EXOC6B: variants seen among roughly 807,000 people sequenced by gnomAD.
EXOC6B encodes SEC15 homolog B.
EXOC6B carries 54 observed loss-of-function variants against 113.5 expected under a neutral mutation model. That is an observed-to-expected ratio of 0.48 (90% CI 0.38 to 0.60). The LOEUF (loss-of-function observed/expected upper bound fraction) is 0.60, where lower values mean the gene tolerates loss of function less well. EXOC6B is among the 20% of genes least tolerant of loss of function. The probability of loss-of-function intolerance (pLI) is 0.00; values close to 1 mark genes in which losing one functional copy is unlikely to be tolerated. For missense variants in EXOC6B, 797 were observed against 977.5 expected (o/e 0.82, Z 2.46); for synonymous variants, 357 against 339.0 (o/e 1.05, Z -0.58).
At chr2:72,396,660 A>G (rs1377237186) in intron 18 of EXOC6B, among the ~76,000 whole-genome samples, 1 of 152,170 alleles carries the variant, frequency 6.6e-6, no homozygotes, top group East Asian at 1.9e-4. Flanking sequence ...ACAGAGAACC[A>G]GGATCTATAG....
chr2:72,338,326 A>C (rs1688813384), intron 19 of EXOC6B, among the ~76,000 whole-genome samples: 1 of 152,148 alleles, frequency 6.6e-6, no homozygotes, highest in Non-Finnish European at 1.5e-5. Flanking sequence ...ATTTCTCTGC[A>C]CAGAAGGTTC....
chr2:72,669,374 G>A (rs1340111673), intron 6 of EXOC6B, among the ~76,000 whole-genome samples: 4 of 149,934 alleles, frequency 2.7e-5, no homozygotes, highest in African/African-American at 9.7e-5. Context: ...AGGGAAAAAC[G>A]AAGTCAAGAA....
chr2:72,661,938 C>T (rs953162329), intron 6 of EXOC6B, among the ~76,000 whole-genome samples: 1 of 149,434 alleles, frequency 6.7e-6, no homozygotes, highest in African/African-American at 2.5e-5. Flanking sequence ...TGATTTTTGA[C>T]AAAACTGAAA....
At chr2:72,795,250 T>A (rs1684879385) in intron 1 of EXOC6B, among the ~76,000 whole-genome samples, 1 of 152,164 alleles carries the variant, frequency 6.6e-6, no homozygotes, top group African/African-American at 2.4e-5. Flanking sequence ...TGAAAATTAG[T>A]TCTATATAAA....
chr2:72,740,275 C>T (rs1474599370), intron 2 of EXOC6B, among the ~76,000 whole-genome samples: 3 of 151,860 alleles, frequency 2.0e-5, no homozygotes, highest in African/African-American at 7.3e-5. Context: ...CCAGGAAAAT[C>T]CTTTTAGGAT....
At chr2:72,556,976 C>A (rs1210639010) in intron 8 of EXOC6B, among the ~76,000 whole-genome samples, 1 of 149,946 alleles carries the variant, frequency 6.7e-6, no homozygotes, top group African/African-American at 2.5e-5. Context: ...ACAAGAAACC[C>A]GATTAAAAAA....
intron 18 of EXOC6B, among the ~76,000 whole-genome samples, chr2:72,413,197 G>A (rs1694298445): frequency 6.6e-6 from 1 of 151,338 alleles, no homozygotes; most frequent in African/African-American, 2.4e-5. Context: ...TCCTGACCTC[G>A]TGATCCGCCC....
intron 6 of EXOC6B, among the ~76,000 whole-genome samples, chr2:72,643,254 C>A (rs1673406910): frequency 1.3e-5 from 2 of 151,406 alleles, no homozygotes; most frequent in Non-Finnish European, 1.5e-5. Context: ...CCAGCCATCC[C>A]ATTACTGGGT....
intron 6 of EXOC6B, among the ~76,000 whole-genome samples, chr2:72,635,448 T>G (rs1403972550): frequency 1.3e-5 from 2 of 152,046 alleles, no homozygotes; most frequent in Non-Finnish European, 1.5e-5. Context: ...ACATATAAAT[T>G]TGACAAAGTA....
chr2:72,758,167 A>AAAC (rs1491436623), intron 1 of EXOC6B, among the ~76,000 whole-genome samples: 16 of 9,116 alleles, frequency 1.8e-3, no homozygotes, highest in African/African-American at 8.6e-3. Flanking sequence ...ACTCTGTCTC[A>AAAC]AAAAAAAAAA....
Position 72,314,207 on chromosome 2 carries a change from T to C in EXOC6B, c.2196+20740A>G, listed in dbSNP as rs954299724. ...GCTATCACTTTGCCCTGTCTCTTCC[T>C]GGCATACTGACACTTATTATCCTGG... On this transcript the variant is annotated intron_variant, in intron 20 of 21. Coordinates refer to ENST00000272427, the MANE Select transcript of EXOC6B (RefSeq NM_015189.3). 2.0e-5 allele frequency among the ~76,000 whole-genome samples: 3 copies of C among 152,332 alleles called. No individual in the cohort carries two copies. The East Asian group carries it at 5.8e-4, about 29-fold the overall frequency.
At chr2:72,473,387 G>A (rs1446995916) in intron 17 of EXOC6B, among the ~76,000 whole-genome samples, 1 of 151,932 alleles carries the variant, frequency 6.6e-6, no homozygotes, top group African/African-American at 2.4e-5. Flanking sequence ...TGGATTTGGT[G>A]TTACATCCTC....
rs1704436546 is a variant in EXOC6B, at chr2:72,570,242, G to A, written c.846+5250C>T. 1.3e-5 allele frequency among the ~76,000 whole-genome samples: 2 copies of A among 152,184 alleles called. 1 individual carries two copies. Among genetic ancestry groups the A allele is most frequent in the South Asian group, 4.1e-4 (2 of 4,830 alleles). ...TAGAAGGCAACTATCTGCAAGCCAA[G>A]GAGAGAGGCCTTAGGAGAAACTAAC... On this transcript the variant is annotated intron_variant, in intron 7 of 21. Transcript: ENST00000272427.
intron 6 of EXOC6B, among the ~76,000 whole-genome samples, chr2:72,644,319 G>C (rs1028142481): frequency 2.6e-5 from 4 of 152,288 alleles, no homozygotes; most frequent in Non-Finnish European, 5.9e-5. Context: ...ATCCACGTTT[G>C]ATTGGTGTAC....
At chr2:72,664,988 A>G (rs1352013540) in intron 6 of EXOC6B, among the ~76,000 whole-genome samples, 4 of 152,196 alleles carry the variant, frequency 2.6e-5, no homozygotes, top group Admixed American at 2.0e-4. Flanking sequence ...TCTGTGGCCA[A>G]TCCTTGAGCA....
intron 20 of EXOC6B, among the ~76,000 whole-genome samples, chr2:72,252,978 T>A (rs915938907): frequency 6.6e-6 from 1 of 152,094 alleles, no homozygotes; most frequent in Admixed American, 6.5e-5. Context: ...TCAAAAAAAA[T>A]ATCCAATCTA....
intron 20 of EXOC6B, among the ~76,000 whole-genome samples, chr2:72,299,732 C>A (rs1686383553): frequency 6.6e-6 from 1 of 151,822 alleles, no homozygotes; most frequent in Admixed American, 6.6e-5. Flanking sequence ...GAGTGGATGT[C>A]CTTTTTGTTG....
chr2:72,388,449 A>G (rs370175048), intron 18 of EXOC6B, among the ~76,000 whole-genome samples: 8 of 152,086 alleles, frequency 5.3e-5, no homozygotes, highest in African/African-American at 1.9e-4. Flanking sequence ...TTACTGACGC[A>G]TGTTTTATAG....
chr2:72,433,259 T>C (rs1166022981), intron 18 of EXOC6B, among the ~76,000 whole-genome samples: 2 of 119,070 alleles, frequency 1.7e-5, no homozygotes, highest in Admixed American at 7.1e-5. Flanking sequence ...TTCTGTTCCA[T>C]TGGTCTTATA....
Sources: gnomAD v4.1 joint callset for allele counts (sites outside exome capture counted in the v4.1 genomes callset) on GRCh38, gnomAD v4.1.1 for gene constraint, MANE v1.5 for transcripts, NCBI Gene and HGNC (gene_info 2026-07-23, HGNC 2026-07-21) for gene names.